The following TNFRSF1B variants were observed in gnomAD, a reference collection of about 807,000 sequenced individuals.
TNFRSF1B encodes tumor necrosis factor receptor superfamily member 1B.
Under a neutral mutation model 44.6 loss-of-function variants are expected in TNFRSF1B, and 19 were observed. The observed-to-expected ratio is 0.43, with a 90% CI of 0.30 to 0.62. The LOEUF is 0.62. Among genes scored for constraint, TNFRSF1B ranks in the 20% least tolerant of loss-of-function variants. The pLI is 0.16. For synonymous variants in TNFRSF1B, 252 were observed against 261.1 expected, an observed-to-expected ratio of 0.97 and a Z score of 0.34; for missense variants, 541 against 619.9, an observed-to-expected ratio of 0.87 and a Z score of 1.35.
chr1:12,184,989 G>A (rs1028275438), intron 1 of TNFRSF1B, among the ~76,000 whole-genome samples: 6 of 152,296 alleles, frequency 3.9e-5, no homozygotes, highest in South Asian at 2.1e-4. Context: ...GAGGCCGTTC[G>A]GTCGGAGGGG....
At chr1:12,197,984 G>A (rs1398306117) in intron 8 of TNFRSF1B, among the ~76,000 whole-genome samples, 1 of 152,094 alleles carries the variant, frequency 6.6e-6, no homozygotes, top group Non-Finnish European at 1.5e-5. Context: ...AATTAGCCGG[G>A]CGTGGTGGCG....
rs1286105962 is a variant in TNFRSF1B at position 12,206,751 on chromosome 1, G to A, written c.1117G>A (p.Gly373Ser). Residue 373 changes from glycine (G) to serine (S), a missense_variant, in exon 10 of 10, where the codon GGT (glycine) becomes AGT (serine). Transcript: ENST00000376259. ...CTTGTGCTTAGCAGATTCTTCCCCT[G>A]GTGGCCATGGGACCCAGGTCAATGT... ...ASTGSSDSSP[G>S]GHGTQVNVTC... 4 of 1,586,694 alleles carry A rather than the reference G, an allele frequency of 2.5e-6. No homozygotes were observed. The African/African-American group carries it at 5.4e-5, about 21-fold the overall frequency.
chr1:12,194,553 A>T, intron 7 of TNFRSF1B, 31 bp from the exon 8 acceptor site: 2 of 1,613,986 alleles, frequency 1.2e-6, no homozygotes, highest in Non-Finnish European at 1.7e-6. Context: ...GAGGAAGTCA[A>T]TCTCTTACTT....
rs538619440 is a variant in TNFRSF1B, at chr1:12,174,087, G to A, written c.78+6918G>A. On this transcript the variant is annotated intron_variant, in intron 1 of 9. Transcript: ENST00000376259. Reference sequence around the variant, plus strand: ...TGCATCTAGCCTGTCTTTCCTGTGGGCTGTGACAAGCCACTCTGCATCTCT... The same window carrying A: ...TGCATCTAGCCTGTCTTTCCTGTGGACTGTGACAAGCCACTCTGCATCTCT... Among the ~76,000 whole-genome samples, 36 of 151,680 alleles carry A rather than the reference G, an allele frequency of 2.4e-4. 1 individual carries two copies. In the South Asian group the frequency reaches 7.3e-3, roughly 31 times the overall value.
chr1:12,193,545 C>G (rs1261293896), intron 6 of TNFRSF1B, among the ~76,000 whole-genome samples: 1 of 152,216 alleles, frequency 6.6e-6, no homozygotes, highest in East Asian at 1.9e-4. Context: ...TGCACTCCAG[C>G]CTGGGCAATG....
chr1:12,194,365 A>G (rs866343587), intron 7 of TNFRSF1B, among the ~76,000 whole-genome samples: 20 of 152,048 alleles, frequency 1.3e-4, no homozygotes, highest in South Asian at 4.1e-4. Context: ...ACGCATCCTC[A>G]GTGGAGGCGC....
chr1:12,167,152 C>A lies in TNFRSF1B; in HGVS notation c.61C>A (p.His21Asn). 2 of 1,299,718 alleles carry A rather than the reference C, an allele frequency of 1.5e-6. No individual in the cohort carries two copies. The highest frequency in any genetic ancestry group is 2.0e-6 in the Non-Finnish European group (2 of 1,021,292). The allele number at this position is 1,299,718 out of a possible 1,614,324, so 80.5% of individuals were successfully genotyped here. Residue 21 changes from histidine to asparagine, a missense_variant, in exon 1 of 10, where the codon CAC (histidine) becomes AAC (asparagine). By Grantham distance (68) the His-to-Asn change is moderately conservative (BLOSUM62 1). Transcript: ENST00000376259. ...CGGACTGGAGCTCTGGGCTGCGGCG[C>A]ACGCCTTGCCCGCCCAGGTGGGTGA... Reference protein sequence around the residue: ...AVGLELWAAAHALPAQVAFTP... With the variant: ...AVGLELWAAANALPAQVAFTP...
chr1:12,195,205 G>A (rs1001371529), intron 8 of TNFRSF1B, among the ~76,000 whole-genome samples: 29 of 152,196 alleles, frequency 1.9e-4, no homozygotes, highest in African/African-American at 7.0e-4. Context: ...GGCCTGCGAA[G>A]GCTTTTTGTT....
At chr1:12,192,281 T>G (rs1293868864) in intron 4 of TNFRSF1B, 150 bp from the exon 5 acceptor site, 1 of 536,720 alleles carries the variant, frequency 1.9e-6, no homozygotes. Context: ...GGCATCTGTG[T>G]GTGTGTGTGT....
Position 12,180,331 on chromosome 1 carries a change from C to T in TNFRSF1B, c.79-8465C>T, listed in dbSNP as rs912581963. On this transcript the variant is annotated intron_variant, in intron 1 of 9. Coordinates refer to ENST00000376259, the MANE Select transcript of TNFRSF1B (RefSeq NM_001066.3). The surrounding 1 kb of genome is among the most constrained non-coding windows in gnomAD (Gnocchi z 4.3). ...CAAAGAAGGCTGTGCTAATGGCGGC[C>T]GGAAGAGCAGAGGGCACCACAGATG... 6.6e-6 allele frequency among the ~76,000 whole-genome samples: 1 copy of T among 152,154 alleles called. No homozygotes were observed. The highest frequency in any genetic ancestry group is 1.5e-5 in the Non-Finnish European group (1 of 68,040).
intron 7 of TNFRSF1B, 79 bp downstream of exon 7, chr1:12,194,111 G>A (rs926662964): frequency 9.2e-6 from 11 of 1,193,928 alleles, no homozygotes; most frequent in Non-Finnish European, 1.4e-5. Flanking sequence ...CCAGCACTGG[G>A]CACAGCCTTA....
Position 12,184,570 on chromosome 1 carries a change from G to A in TNFRSF1B, c.79-4226G>A, listed in dbSNP as rs142659050. Among the ~76,000 whole-genome samples, 51 of 152,326 alleles carry A rather than the reference G, an allele frequency of 3.3e-4. 1 individual carries two copies. The highest frequency in any genetic ancestry group is 1.2e-3 in the African/African-American group (49 of 41,578). On this transcript the variant is annotated intron_variant, in intron 1 of 9. Coordinates refer to ENST00000376259, the MANE Select transcript of TNFRSF1B (RefSeq NM_001066.3). ...AGACAAGAGAGGAACCTGGAGGGGA[G>A]GAGGTGGGAGGCCACCACTCAGCCG...
At chr1:12,182,865 G>C (rs566575963) in intron 1 of TNFRSF1B, among the ~76,000 whole-genome samples, 2 of 152,244 alleles carry the variant, frequency 1.3e-5, no homozygotes, top group Non-Finnish European at 2.9e-5. Context: ...GAGGCTGCAT[G>C]GTGGGAGGAG....
chr1:12,194,154 G>A lies in TNFRSF1B; in HGVS notation c.865+122G>A, dbSNP rs1639214386. 3.9e-6 allele frequency: 3 copies of A among 769,290 alleles called. No individual in the cohort carries two copies. The Admixed American group carries it at 7.4e-5, about 19-fold the overall frequency. 47.7% of individuals were successfully genotyped at this position (769,290 alleles called of 1,614,324 possible). Reference sequence around the variant, plus strand: ...GACAGAGCTGGATATGGGGGTCCTTGTTCTGTAGGAGCTTAAGGCCTGGGG... The same window carrying A: ...GACAGAGCTGGATATGGGGGTCCTTATTCTGTAGGAGCTTAAGGCCTGGGG... On this transcript the variant is annotated intron_variant, in intron 7 of 9. Coordinates refer to ENST00000376259, the MANE Select transcript of TNFRSF1B (RefSeq NM_001066.3).
rs559872343 is a variant in TNFRSF1B, at chr1:12,184,854, G to A, written c.79-3942G>A. Among the ~76,000 whole-genome samples, 11 of 152,318 alleles carry A rather than the reference G, an allele frequency of 7.2e-5. No homozygotes were observed. The East Asian group carries it at 1.3e-3, about 19-fold the overall frequency. ...AAGGGCACTCGTGGGGATGAAGCCC[G>A]CGGGATGCAGGATTCCCACGAGACC... is the stretch of plus-strand genomic sequence containing the variant. On this transcript the variant is annotated intron_variant, in intron 1 of 9. Transcript: ENST00000376259.
chr1:12,175,837 G>A (rs138459776), intron 1 of TNFRSF1B, among the ~76,000 whole-genome samples: 8 of 152,248 alleles, frequency 5.3e-5, no homozygotes, highest in African/African-American at 1.2e-4. Context: ...CCTCCTAACC[G>A]CTGAGCCCTG....
Position 12,209,186 on chromosome 1 carries a change from G to A in TNFRSF1B, c.*2166G>A, listed in dbSNP as rs981118157. On this transcript the variant is annotated 3_prime_UTR_variant, in exon 10 of 10. Coordinates refer to ENST00000376259, the MANE Select transcript of TNFRSF1B (RefSeq NM_001066.3). ...TGAAAGTTTGCACTGTATGCTGGAC[G>A]GCATTCCTGCTTATCAATAAACCTG... is the stretch of plus-strand genomic sequence containing the variant. 19 of 152,150 alleles carry A rather than the reference G, an allele frequency of 1.2e-4. No homozygotes were observed. The highest frequency in any genetic ancestry group is 4.3e-4 in the African/African-American group (18 of 41,408). The allele number at this position is 152,150 out of a possible 1,614,324, so 9.4% of individuals were successfully genotyped here. A position where few individuals can be genotyped will look rare whatever the true frequency, so the allele number is the denominator to read the frequency against.
chr1:12,195,853 G>C (rs1639254667), intron 8 of TNFRSF1B, among the ~76,000 whole-genome samples: 1 of 152,144 alleles, frequency 6.6e-6, no homozygotes, highest in South Asian at 2.1e-4. Flanking sequence ...GGCAGGTAGA[G>C]AAAGAACTTC....
At chr1:12,184,517 C>A (rs1201237909) in intron 1 of TNFRSF1B, among the ~76,000 whole-genome samples, 1 of 152,152 alleles carries the variant, frequency 6.6e-6, no homozygotes, top group Non-Finnish European at 1.5e-5. Flanking sequence ...GGAGGAAGTC[C>A]AGGGACGGTC....
Sources: allele counts gnomAD v4.1 joint callset (sites outside exome capture counted in the v4.1 genomes callset), GRCh38; gene constraint gnomAD v4.1.1; non-coding constraint Gnocchi (gnomAD v3.1); transcripts MANE v1.5; gene names NCBI Gene and HGNC (gene_info 2026-07-23, HGNC 2026-07-21).